CCDC81: variants seen among roughly 807,000 people sequenced by gnomAD.
CCDC81 encodes coiled-coil domain containing 81.
Under a neutral mutation model 83.7 loss-of-function variants are expected in CCDC81, and 79 were observed. The ratio of observed to expected loss-of-function variants is 0.94; its 90% CI spans 0.79 to 1.14. The LOEUF (loss-of-function observed/expected upper bound fraction) is 1.14. CCDC81 is among the 50% of genes most tolerant of loss of function. CCDC81 has a pLI of 0.00. For synonymous variants in CCDC81, 252 were observed against 278.1 expected (o/e 0.91, Z 0.93); for missense variants, 791 against 778.1 (o/e 1.02, Z -0.20).
intron 1 of CCDC81, among the ~76,000 whole-genome samples, chr11:86,385,350 A>C (rs1948228106): frequency 6.6e-6 from 1 of 152,038 alleles, no homozygotes; most frequent in African/African-American, 2.4e-5. Context: ...ACGCCACTGC[A>C]CTCCAGCCTG....
intron 13 of CCDC81, among the ~76,000 whole-genome samples, chr11:86,416,296 G>A (rs1948719195): frequency 6.6e-6 from 1 of 152,148 alleles, no homozygotes; most frequent in South Asian, 2.1e-4. Context: ...ATTCCCTTAG[G>A]TAAGCATTCA....
intron 13 of CCDC81, chr11:86,419,033 T>A (rs1948755807): frequency 6.6e-6 from 1 of 152,206 alleles, no homozygotes; most frequent in African/African-American, 2.4e-5. Context: ...CAATGCTTGT[T>A]AGATGAAAAG....
At chr11:86,377,552 T>C (rs530327235) in intron 1 of CCDC81, among the ~76,000 whole-genome samples, 2 of 152,338 alleles carry the variant, frequency 1.3e-5, no homozygotes, top group Admixed American at 6.5e-5. Context: ...TGATGATAAA[T>C]AATGGGGAGC....
At chr11:86,395,954 C>T (rs1016241812) in intron 5 of CCDC81, among the ~76,000 whole-genome samples, 2 of 152,144 alleles carry the variant, frequency 1.3e-5, no homozygotes, top group Non-Finnish European at 2.9e-5. Context: ...ACCCTTGGCT[C>T]CTGGAAATTC....
At chr11:86,400,143 A>AG (rs1282628484) in intron 6 of CCDC81, among the ~76,000 whole-genome samples, 5 of 151,748 alleles carry the variant, frequency 3.3e-5, no homozygotes, top group Non-Finnish European at 5.9e-5. Context: ...AAAAAAAAAA[A>AG]AAAAAGAAAA....
Position 86,419,976 on chromosome 11 carries a change from C to A in CCDC81, c.1740C>A (p.Asn580Lys), listed in dbSNP as rs1379078235. ...TAELERVNRV[N>K]QCLQEDWERS... ...AGCTGGAGCGAGTAAATAGAGTCAACCAATGCTTACAGGAGGACTGGGAAA... is the reference window on the plus strand; with the variant it reads ...AGCTGGAGCGAGTAAATAGAGTCAAACAATGCTTACAGGAGGACTGGGAAA... Residue 580 changes from asparagine to lysine, a missense_variant, in exon 14 of 15, where the codon AAC becomes AAA. Transcript: ENST00000445632. 1 of 1,613,660 alleles carries A rather than the reference C, an allele frequency of 6.2e-7. No homozygotes were observed. The highest frequency in any genetic ancestry group is 8.5e-7 in the Non-Finnish European group (1 of 1,179,878).
intron 3 of CCDC81, among the ~76,000 whole-genome samples, chr11:86,389,155 C>T (rs1364909078): frequency 6.6e-6 from 1 of 151,906 alleles, no homozygotes; most frequent in Non-Finnish European, 1.5e-5. Flanking sequence ...CTTAGACGGG[C>T]ATGATGGTTC....
chr11:86,396,017 C>T (rs546945362), intron 5 of CCDC81, among the ~76,000 whole-genome samples: 8 of 152,318 alleles, frequency 5.3e-5, no homozygotes, highest in South Asian at 2.1e-4. Context: ...AAACTCTTCT[C>T]ACCTGCTGAA....
intron 14 of CCDC81, among the ~76,000 whole-genome samples, chr11:86,420,621 C>T (rs761335012): frequency 6.6e-6 from 1 of 152,102 alleles, no homozygotes; most frequent in Non-Finnish European, 1.5e-5. Context: ...TGTGATGAAA[C>T]AGATCAAGTC....
chr11:86,413,657 G>A (rs546250574), intron 11 of CCDC81, among the ~76,000 whole-genome samples: 7 of 152,102 alleles, frequency 4.6e-5, no homozygotes, highest in African/African-American at 1.4e-4. Context: ...TTTTGCAATC[G>A]CCAATACCAG....
chr11:86,419,864 G>A, intron 13 of CCDC81, 64 bp from the exon 14 acceptor site: 2 of 1,514,882 alleles, frequency 1.3e-6, no homozygotes, highest in Non-Finnish European at 1.8e-6. Context: ...AAAGGAATGG[G>A]GCTCCCAAAT....
chr11:86,414,505 C>G (rs1220144376), intron 11 of CCDC81: 2 of 268,768 alleles, frequency 7.4e-6, no homozygotes, highest in South Asian at 1.6e-4. Flanking sequence ...TAGGGTTTCA[C>G]CATGTTGGCC....
In CCDC81 at chr11:86,375,063, G is replaced by C; in HGVS notation, c.-101G>C. On this transcript the variant is annotated 5_prime_UTR_variant, in exon 1 of 15. Transcript: ENST00000445632. ...TTTAAGGCACATCCAAAGCTCCGTG[G>C]AGAAGGGGCTGGAGGGTGGGAAAAT... The C allele has an allele frequency of 2.0e-6, 2 of 1,003,792 alleles. No individual in the cohort carries two copies. Among genetic ancestry groups the C allele is most frequent in the Non-Finnish European group, 3.2e-6 (2 of 627,980 alleles). The allele number at this position is 1,003,792 out of a possible 1,614,324, so 62.2% of individuals were successfully genotyped here.
At chr11:86,396,924 G>T (rs11826496) in intron 5 of CCDC81, among the ~76,000 whole-genome samples, 100,036 of 152,084 alleles carry the variant, frequency 0.66, 32,992 homozygotes, top group South Asian at 0.7. Context: ...AGATGGAGTC[G>T]CCATCAAGTC....
chr11:86,410,627 A>G (rs907960534), intron 10 of CCDC81, among the ~76,000 whole-genome samples: 5 of 152,186 alleles, frequency 3.3e-5, no homozygotes, highest in Non-Finnish European at 7.3e-5. Flanking sequence ...CTCTCTTTAT[A>G]TATAAGCTCC....
At chr11:86,381,719 C>T (rs1948178894) in intron 1 of CCDC81, among the ~76,000 whole-genome samples, 1 of 152,144 alleles carries the variant, frequency 6.6e-6, no homozygotes, top group Non-Finnish European at 1.5e-5. Flanking sequence ...ATTTTTCTGT[C>T]TGGTCAACTT....
In CCDC81 at chr11:86,377,968, CTTTTTTTTTTT is replaced by C. The variant is rs61157417; in HGVS notation, c.79+2738_79+2748del. Among the ~76,000 whole-genome samples the C allele has an allele frequency of 1.5e-4, 11 of 73,350 alleles. No individual in the cohort carries two copies. The Admixed American group carries it at 2.5e-3, about 17-fold the overall frequency. The allele number at this position is 73,350 out of a possible 152,430, so 48.1% of individuals were successfully genotyped here. ...AAGGTGTAAGGTCTGTGCCTAGGTT[CTTTTTTTTTTT>C]TTTTTTTTTTTGCATGTGGATGTCC... On this transcript the variant is annotated intron_variant, in intron 1 of 14. Coordinates refer to ENST00000445632, the MANE Select transcript of CCDC81 (RefSeq NM_001156474.2).
intron 14 of CCDC81, among the ~76,000 whole-genome samples, chr11:86,422,046 G>A (rs908655692): frequency 6.6e-6 from 1 of 152,156 alleles, no homozygotes; most frequent in African/African-American, 2.4e-5. Context: ...TCTGCTTTTA[G>A]TTGCTTTTGT....
At chr11:86,412,350 A>G (rs144637086) in intron 10 of CCDC81, 37 bp from the exon 11 acceptor site, 18,655 of 1,461,532 alleles carry the variant, frequency 0.013, 146 homozygotes, top group Non-Finnish European at 0.016. Context: ...GTTTTTCAGT[A>G]CTCTAGCATA....
Sources: gnomAD v4.1 joint callset for allele counts (sites outside exome capture counted in the v4.1 genomes callset) on GRCh38, gnomAD v4.1.1 for gene constraint, MANE v1.5 for transcripts, NCBI Gene and HGNC (gene_info 2026-07-23, HGNC 2026-07-21) for gene names.